Variants in NPSR1 observed in about 807,000 individuals in gnomAD.
NPSR1 encodes the protein neuropeptide S receptor 1.
NPSR1 carries 48 observed loss-of-function variants against 46.9 expected under a neutral mutation model. That is an observed-to-expected ratio of 1.02 (90% CI 0.81 to 1.30). NPSR1 has a LOEUF of 1.30. Among genes scored for constraint, NPSR1 ranks in the 50% most tolerant of loss-of-function variants. NPSR1 has a pLI of 0.00. For missense variants in NPSR1, 450 were observed against 449.5 expected, an observed-to-expected ratio of 1.00 and a Z score of -0.01; for synonymous variants, 176 against 168.1, an observed-to-expected ratio of 1.05 and a Z score of -0.36.
At chr7:34,663,067 C>CTCTCTCTCTGTGTGTGTGTGTGTG (rs35826710) in intron 1 of NPSR1, among the ~76,000 whole-genome samples, 15 of 99,424 alleles carry the variant, frequency 1.5e-4, no homozygotes, top group African/African-American at 7.4e-4. Context: ...CTCTCTCTCT[C>CTCTCTCTCTGTGTGTGTGTGTGTG]TGTGTGTGTG....
At chr7:34,784,054 G>C (rs1454652126) in intron 3 of NPSR1, among the ~76,000 whole-genome samples, 1 of 152,080 alleles carries the variant, frequency 6.6e-6, no homozygotes, top group East Asian at 1.9e-4. Context: ...GCTAATTAGT[G>C]ACATGAAAAT....
intron 2 of NPSR1, among the ~76,000 whole-genome samples, chr7:34,749,471 A>ACC (rs2128723026): frequency 6.6e-6 from 1 of 152,282 alleles, no homozygotes; most frequent in South Asian, 2.1e-4. Flanking sequence ...AAGTATACCC[A>ACC]CCCTAATTTT....
At chr7:34,827,637 G>C in intron 5 of NPSR1, 35 bp downstream of exon 5, 1 of 1,188,990 alleles carries the variant, frequency 8.4e-7, no homozygotes. Flanking sequence ...ACACGGGGGG[G>C]TGGGGCGGGG....
At chr7:34,673,984 A>G (rs1792187932) in intron 1 of NPSR1, among the ~76,000 whole-genome samples, 1 of 152,148 alleles carries the variant, frequency 6.6e-6, no homozygotes, top group Non-Finnish European at 1.5e-5. Flanking sequence ...CAGGCCTCCC[A>G]GTTGGGTTAC....
At chr7:34,742,134 T>G (rs1262266872) in intron 2 of NPSR1, among the ~76,000 whole-genome samples, 1 of 152,108 alleles carries the variant, frequency 6.6e-6, no homozygotes, top group Non-Finnish European at 1.5e-5. Context: ...TTTCATCATC[T>G]CACAAATTAT....
In NPSR1 at chr7:34,681,041, T is replaced by C. The variant is rs111943655; in HGVS notation, c.148-3511T>C. Among the ~76,000 whole-genome samples the C allele has an allele frequency of 9.2e-3, 1,403 of 152,190 alleles. 22 individuals carry two copies. The highest frequency in any genetic ancestry group is 0.032 in the African/African-American group (1,344 of 41,496). On this transcript the variant is annotated intron_variant, in intron 1 of 8. Coordinates refer to ENST00000360581, the MANE Select transcript of NPSR1 (RefSeq NM_207172.2). ...TATATATTGTGCACTTTTTATGTTG[T>C]ATATTTTGTGTCAGGCAGATCGTCT...
At chr7:34,856,410 T>C (rs1383837058) in intron 8 of NPSR1, among the ~76,000 whole-genome samples, 1 of 151,624 alleles carries the variant, frequency 6.6e-6, no homozygotes, top group Non-Finnish European at 1.5e-5. Context: ...CCTTGGAGGC[T>C]TCACTGAAAA....
chr7:34,757,237 G>C (rs1409170229), intron 2 of NPSR1, among the ~76,000 whole-genome samples: 4 of 152,106 alleles, frequency 2.6e-5, no homozygotes, highest in Admixed American at 2.6e-4. Flanking sequence ...ACTGAAAGTT[G>C]AGTGCACACT....
At chr7:34,710,707 G>A (rs893738147) in intron 2 of NPSR1, 2 of 317,514 alleles carry the variant, frequency 6.3e-6, no homozygotes, top group African/African-American at 4.4e-5. Flanking sequence ...TAGCATTGGG[G>A]TCTAGTGATT....
At chr7:34,873,084 C>A (rs538154558) in intron 8 of NPSR1, among the ~76,000 whole-genome samples, 2 of 151,812 alleles carry the variant, frequency 1.3e-5, no homozygotes, top group African/African-American at 4.9e-5. Flanking sequence ...AGGGCCTGGA[C>A]AAAATGCAGC....
chr7:34,743,434 C>T (rs1785048327), intron 2 of NPSR1, among the ~76,000 whole-genome samples: 1 of 150,552 alleles, frequency 6.6e-6, no homozygotes, highest in Non-Finnish European at 1.5e-5. Context: ...TTTTCTCTCT[C>T]TCTCTGTCTT....
intron 3 of NPSR1, among the ~76,000 whole-genome samples, chr7:34,791,058 TTATATATTATATTA>T (rs1562730733): frequency 1.8e-4 from 21 of 114,082 alleles, no homozygotes; most frequent in African/African-American, 7.5e-4. Flanking sequence ...ATGTTATATG[TTATATATTATATTA>T]TATATGTTAT....
intron 8 of NPSR1, among the ~76,000 whole-genome samples, chr7:34,875,555 GAGA>G (rs1173619512): frequency 6.6e-6 from 1 of 152,150 alleles, no homozygotes; most frequent in Admixed American, 6.5e-5. Flanking sequence ...GATTGGCCTA[GAGA>G]TCCCCAAATG....
intron 8 of NPSR1, 138 bp from the exon 9 acceptor site, chr7:34,849,427 G>A: frequency 6.3e-7 from 1 of 1,578,872 alleles, no homozygotes; most frequent in Non-Finnish European, 8.6e-7. Context: ...AGGAAGGTCA[G>A]GGTATTACAT....
intron 1 of NPSR1, among the ~76,000 whole-genome samples, chr7:34,664,780 C>T (rs1251702151): frequency 6.6e-6 from 1 of 152,126 alleles, no homozygotes; most frequent in South Asian, 2.1e-4. Flanking sequence ...AAATTATGCC[C>T]TATCTGGAGA....
intron 4 of NPSR1, among the ~76,000 whole-genome samples, chr7:34,813,136 GGCACTGCCTACAATA>G (rs1349003167): frequency 1.3e-5 from 2 of 152,042 alleles, no homozygotes; most frequent in Admixed American, 6.5e-5. Context: ...TGTATATTGT[GGCACTGCCTACAATA>G]GCAGGAATTC....
intron 2 of NPSR1, among the ~76,000 whole-genome samples, chr7:34,742,757 G>A (rs1785011354): frequency 6.6e-6 from 1 of 152,042 alleles, no homozygotes; most frequent in Non-Finnish European, 1.5e-5. Context: ...TTCCACAATG[G>A]TTTACACTCC....
intron 4 of NPSR1, among the ~76,000 whole-genome samples, chr7:34,818,277 GACAA>G (rs755476903): frequency 1.4e-4 from 22 of 152,202 alleles, no homozygotes; most frequent in South Asian, 6.2e-4. Context: ...ATGAATAAGA[GACAA>G]ACAGAGAGCC....
chr7:34,717,276 G>A (rs767085845), intron 2 of NPSR1, among the ~76,000 whole-genome samples: 4 of 152,128 alleles, frequency 2.6e-5, no homozygotes, highest in Non-Finnish European at 5.9e-5. Flanking sequence ...TCGATTACAG[G>A]CATGTGCCAC....
Sources: gnomAD v4.1 joint callset for allele counts (sites outside exome capture counted in the v4.1 genomes callset) on GRCh38, gnomAD v4.1.1 for gene constraint, MANE v1.5 for transcripts, NCBI Gene and HGNC (gene_info 2026-07-23, HGNC 2026-07-21) for gene names.